The following MICU1 variants were observed in gnomAD, a reference collection of about 807,000 sequenced individuals.
MICU1 encodes calcium uptake protein 1, mitochondrial.
MICU1 carries 45 observed loss-of-function variants against 56.8 expected under a neutral mutation model. The ratio of observed to expected loss-of-function variants is 0.79; its 90% CI spans 0.62 to 1.02. MICU1 has a LOEUF of 1.02. Ranked by LOEUF, MICU1 falls within the 50% of genes least tolerant of loss-of-function variation. MICU1 has a pLI of 0.00. For synonymous variants in MICU1, 186 were observed against 195.1 expected (o/e 0.95, Z 0.39); for missense variants, 504 against 587.1 (o/e 0.86, Z 1.46).
At chr10:72,434,612 G>C (rs1230621659) in intron 8 of MICU1, among the ~76,000 whole-genome samples, 2 of 152,166 alleles carry the variant, frequency 1.3e-5, no homozygotes, top group Non-Finnish European at 2.9e-5. Context: ...ATATGGGATT[G>C]TAAGAGTTTT....
chr10:72,373,327 C>T (rs1412509009), intron 11 of MICU1, among the ~76,000 whole-genome samples: 2 of 151,976 alleles, frequency 1.3e-5, no homozygotes, highest in Non-Finnish European at 2.9e-5. Flanking sequence ...TACATGCACA[C>T]ACTACCACAC....
At chr10:72,510,162 G>A (rs987764040) in intron 5 of MICU1, among the ~76,000 whole-genome samples, 2 of 152,150 alleles carry the variant, frequency 1.3e-5, no homozygotes, top group African/African-American at 4.8e-5. Flanking sequence ...TTAAGCCAAA[G>A]AAGCAAACCT....
At chr10:72,614,930 A>T (rs1351555233) in intron 1 of MICU1, among the ~76,000 whole-genome samples, 1 of 152,268 alleles carries the variant, frequency 6.6e-6, no homozygotes, top group African/African-American at 2.4e-5. Context: ...TAAAATATAC[A>T]TAACAGAAAA....
At chr10:72,525,772 C>G (rs1205148484) in intron 5 of MICU1, among the ~76,000 whole-genome samples, 1 of 152,134 alleles carries the variant, frequency 6.6e-6, no homozygotes, top group Non-Finnish European at 1.5e-5. Flanking sequence ...AGATACTTTA[C>G]CTATTGTCCC....
At chr10:72,382,119 T>C (rs1862730506) in intron 10 of MICU1, among the ~76,000 whole-genome samples, 1 of 138,504 alleles carries the variant, frequency 7.2e-6, no homozygotes. Context: ...ATCTGAATTC[T>C]TTTTTTTTTT....
intron 5 of MICU1, among the ~76,000 whole-genome samples, chr10:72,513,097 C>T (rs529608779): frequency 6.6e-6 from 1 of 152,176 alleles, no homozygotes; most frequent in South Asian, 2.1e-4. Flanking sequence ...TCCTTGATCT[C>T]CTGGGCTTTA....
chr10:72,386,422 T>C (rs1862890245), intron 10 of MICU1, among the ~76,000 whole-genome samples: 2 of 152,172 alleles, frequency 1.3e-5, no homozygotes, highest in South Asian at 4.1e-4. Context: ...CCTCAGGTGA[T>C]CTGCCTGCTT....
intron 10 of MICU1, among the ~76,000 whole-genome samples, chr10:72,401,130 C>T (rs1394228205): frequency 6.6e-6 from 1 of 151,930 alleles, no homozygotes; most frequent in Non-Finnish European, 1.5e-5. Flanking sequence ...CAAACAGACG[C>T]TATTTTAAGA....
At chr10:72,476,226 CAAAAAAAAA>C (rs71018297) in intron 7 of MICU1, among the ~76,000 whole-genome samples, 2 of 73,836 alleles carry the variant, frequency 2.7e-5, no homozygotes, top group African/African-American at 5.7e-5. Flanking sequence ...GACTCCATCT[CAAAAAAAAA>C]AAAAAAAAAA....
chr10:72,565,055 C>T (rs945648005), intron 2 of MICU1, among the ~76,000 whole-genome samples: 1 of 150,006 alleles, frequency 6.7e-6, no homozygotes, highest in African/African-American at 2.5e-5. Flanking sequence ...CTGAGGTGGG[C>T]AAGTCACTTG....
At chr10:72,533,069 C>T (rs1390674439) in intron 5 of MICU1, 2 of 1,289,730 alleles carry the variant, frequency 1.6e-6, no homozygotes, top group Admixed American at 2.3e-5. Context: ...CTGGTTCTTT[C>T]TTCTTTCTGA....
chr10:72,511,851 CAG>C (rs1564911241), intron 5 of MICU1, among the ~76,000 whole-genome samples: 1 of 152,184 alleles, frequency 6.6e-6, no homozygotes, highest in East Asian at 1.9e-4. Context: ...CCCCAGCTCT[CAG>C]AGAGAACCAT....
intron 1 of MICU1, among the ~76,000 whole-genome samples, chr10:72,607,123 A>G (rs1841710907): frequency 6.6e-6 from 1 of 151,558 alleles, no homozygotes; most frequent in Non-Finnish European, 1.5e-5. Flanking sequence ...GGTGGCTCAC[A>G]GGAGGTCAGG....
At chr10:72,575,595 G>A (rs905157305) in intron 1 of MICU1, among the ~76,000 whole-genome samples, 1 of 151,962 alleles carries the variant, frequency 6.6e-6, no homozygotes, top group Admixed American at 6.6e-5. Flanking sequence ...GTCACATCTT[G>A]GTAATTCTTG....
At chr10:72,461,572 AAGC>A (rs2132237411) in intron 8 of MICU1, among the ~76,000 whole-genome samples, 1 of 152,334 alleles carries the variant, frequency 6.6e-6, no homozygotes, top group South Asian at 2.1e-4. Flanking sequence ...AGCTTCTTGA[AAGC>A]AGAACAATGT....
chr10:72,401,180 A>T (rs956476786), intron 10 of MICU1, among the ~76,000 whole-genome samples: 1 of 152,216 alleles, frequency 6.6e-6, no homozygotes, highest in Admixed American at 6.5e-5. Flanking sequence ...AGGCATTGAG[A>T]TGAGAAAGGA....
At chr10:72,495,348 A>T (rs556681607) in intron 6 of MICU1, among the ~76,000 whole-genome samples, 5 of 152,224 alleles carry the variant, frequency 3.3e-5, no homozygotes, top group African/African-American at 1.2e-4. Context: ...AATTTATTGC[A>T]TAGATGCTTA....
At chr10:72,452,102 AG>A (rs1351472203) in intron 8 of MICU1, among the ~76,000 whole-genome samples, 1 of 152,136 alleles carries the variant, frequency 6.6e-6, no homozygotes, top group African/African-American at 2.4e-5. Flanking sequence ...TCCTGACCTC[AG>A]GTGATCTGCC....
intron 1 of MICU1, among the ~76,000 whole-genome samples, chr10:72,591,924 T>C (rs561341361): frequency 2.1e-4 from 32 of 151,394 alleles, no homozygotes; most frequent in South Asian, 4.2e-4. Context: ...GGCAGGAGGA[T>C]TGCTTGAACC....
Sources: gnomAD v4.1 joint callset for allele counts (sites outside exome capture counted in the v4.1 genomes callset) on GRCh38, gnomAD v4.1.1 for gene constraint, MANE v1.5 for transcripts, NCBI Gene and HGNC (gene_info 2026-07-23, HGNC 2026-07-21) for gene names.